Variants in C3orf20 observed in about 807,000 individuals in gnomAD.
C3orf20 encodes uncharacterized protein C3orf20.
In C3orf20, 76 loss-of-function variants were observed where a neutral mutation model predicts 88.3. The ratio of observed to expected loss-of-function variants is 0.86; its 90% CI spans 0.72 to 1.04. The LOEUF (loss-of-function observed/expected upper bound fraction) is 1.04. Among genes scored for constraint, C3orf20 ranks in the 50% least tolerant of loss-of-function variants. The pLI is 0.00. For synonymous variants in C3orf20, 436 were observed against 437.4 expected (o/e 1.00, Z 0.04); for missense variants, 1,056 against 1,123.3 (o/e 0.94, Z 0.86).
intron 12 of C3orf20, among the ~76,000 whole-genome samples, chr3:14,730,549 A>AAAT (rs370620909): frequency 0.061 from 9,273 of 151,840 alleles, 541 homozygotes; most frequent in African/African-American, 0.15. Context: ...TGTGTCTCAA[A>AAAT]AATAATAATA....
chr3:14,737,116 G>A (rs978599896), intron 12 of C3orf20, among the ~76,000 whole-genome samples: 3 of 151,782 alleles, frequency 2.0e-5, no homozygotes, highest in African/African-American at 7.3e-5. Context: ...AATTTTCATT[G>A]TACTTATCCA....
chr3:14,739,554 G>A (rs1310072642), intron 12 of C3orf20, among the ~76,000 whole-genome samples: 3 of 152,212 alleles, frequency 2.0e-5, no homozygotes, highest in Non-Finnish European at 4.4e-5. Flanking sequence ...TTAGCCTAAA[G>A]TCACCAGCTG....
chr3:14,754,244 C>T (rs9825300), intron 12 of C3orf20, among the ~76,000 whole-genome samples: 4,315 of 152,284 alleles, frequency 0.028, 229 homozygotes, highest in African/African-American at 0.096. Context: ...ATGCACCTGA[C>T]AGATGCTTCC....
rs1409308740 is a variant in C3orf20 at position 14,728,497 on chromosome 3, G to T, written c.1749G>T (p.Lys583Asn). 1.2e-6 allele frequency: 2 copies of T among 1,614,092 alleles called. No individual in the cohort carries two copies. Among genetic ancestry groups the T allele is most frequent in the Non-Finnish European group, 1.7e-6 (2 of 1,180,036 alleles). Residue 583 changes from lysine (K) to asparagine (N), a missense_variant, in exon 12 of 17, where the codon AAG (lysine) becomes AAT (asparagine). Physicochemically the swap from Lys to Asn is moderately conservative, Grantham distance 94 (BLOSUM62 0). Coordinates refer to ENST00000253697, the MANE Select transcript of C3orf20 (RefSeq NM_032137.5). ...KKEEEEFVRFKMRSRTHPERL... is the reference protein window; with the variant it reads ...KKEEEEFVRFNMRSRTHPERL... ...AGGAGGAAGAATTTGTTCGGTTCAA[G>T]ATGAGATCCAGAACTCATCCCGAGC...
Position 14,757,679 on chromosome 3 carries a change from G to A in C3orf20, c.2244+5G>A, listed in dbSNP as rs1258372609. 1 of 1,607,082 alleles carries A rather than the reference G, an allele frequency of 6.2e-7. No individual in the cohort carries two copies. The stretch of plus-strand genomic sequence containing the variant: ...CGTGGCTCCCCCTGCATCCAGGTTG[G>A]TCTGGGCCCAGTGAGGAGGCCCTGG... On this transcript the variant is annotated splice_donor_5th_base_variant and intron_variant, in intron 13 of 16. Transcript: ENST00000253697.
intron 7 of C3orf20, among the ~76,000 whole-genome samples, chr3:14,706,209 A>T (rs886956611): frequency 6.6e-6 from 1 of 151,976 alleles, no homozygotes; most frequent in Non-Finnish European, 1.5e-5. Flanking sequence ...AAGAAGTGTT[A>T]TTGTTTCTCA....
chr3:14,740,240 T>A (rs527847505), intron 12 of C3orf20, among the ~76,000 whole-genome samples: 4 of 152,280 alleles, frequency 2.6e-5, no homozygotes, highest in East Asian at 1.9e-4. Context: ...CATTGTAGAG[T>A]TACTATAGTA....
intron 10 of C3orf20, among the ~76,000 whole-genome samples, chr3:14,726,697 C>G (rs1427219307): frequency 6.6e-6 from 1 of 152,184 alleles, no homozygotes; most frequent in African/African-American, 2.4e-5. Flanking sequence ...AAGGAAAACC[C>G]TCCGAGGAGA....
chr3:14,692,716 G>A (rs1040681873), intron 5 of C3orf20, among the ~76,000 whole-genome samples: 2 of 152,066 alleles, frequency 1.3e-5, no homozygotes, highest in Non-Finnish European at 2.9e-5. Context: ...CCTTTGCTGT[G>A]CAGAAGCTTT....
At chr3:14,751,396 G>A (rs2035215160) in intron 12 of C3orf20, among the ~76,000 whole-genome samples, 1 of 152,220 alleles carries the variant, frequency 6.6e-6, no homozygotes, top group Non-Finnish European at 1.5e-5. Flanking sequence ...CCCCCGGAGG[G>A]CAAGCTAAAG....
intron 12 of C3orf20, among the ~76,000 whole-genome samples, chr3:14,731,772 C>A (rs936292098): frequency 2.6e-5 from 4 of 152,204 alleles, no homozygotes; most frequent in Admixed American, 1.3e-4. Context: ...TTCCCAGACA[C>A]CAGCCAAGGG....
intron 5 of C3orf20, among the ~76,000 whole-genome samples, chr3:14,700,202 A>G (rs567890462): frequency 6.6e-6 from 1 of 152,256 alleles, no homozygotes; most frequent in African/African-American, 2.4e-5. Flanking sequence ...TGAAGTTAAA[A>G]TCAGGTACTA....
At chr3:14,729,487 G>A (rs2034467366) in intron 12 of C3orf20, among the ~76,000 whole-genome samples, 1 of 152,190 alleles carries the variant, frequency 6.6e-6, no homozygotes, top group African/African-American at 2.4e-5. Context: ...CAGGAGTTTG[G>A]TCATGTAGCC....
At chr3:14,684,194 T>G (rs1417675187) in intron 3 of C3orf20, 48 bp from the exon 4 acceptor site, 3 of 1,605,844 alleles carry the variant, frequency 1.9e-6, no homozygotes, top group Non-Finnish European at 1.7e-6. Context: ...CTGGAAGCAT[T>G]AGCCCCATGC....
At chr3:14,678,850 G>A (rs2124874354) in intron 1 of C3orf20, among the ~76,000 whole-genome samples, 1 of 152,314 alleles carries the variant, frequency 6.6e-6, no homozygotes, top group East Asian at 1.9e-4. Context: ...AGCCATTAAA[G>A]ACAATACATT....
intron 15 of C3orf20, among the ~76,000 whole-genome samples, chr3:14,769,435 A>G (rs1434563257): frequency 6.6e-6 from 1 of 151,564 alleles, no homozygotes; most frequent in Non-Finnish European, 1.5e-5. Context: ...TGGGCCATGT[A>G]TCTGTAACAT....
intron 12 of C3orf20, among the ~76,000 whole-genome samples, chr3:14,734,968 A>G (rs2034659669): frequency 6.6e-6 from 1 of 151,942 alleles, no homozygotes; most frequent in African/African-American, 2.4e-5. Flanking sequence ...TTTATGTATT[A>G]CAGCCTGTAT....
intron 12 of C3orf20, among the ~76,000 whole-genome samples, chr3:14,738,227 G>A (rs1350094987): frequency 6.8e-6 from 1 of 147,442 alleles, no homozygotes; most frequent in Non-Finnish European, 1.5e-5. Flanking sequence ...GAGTACAGTG[G>A]TGCAATCTTG....
intron 14 of C3orf20, among the ~76,000 whole-genome samples, chr3:14,760,454 A>G (rs1037211995): frequency 6.6e-6 from 1 of 152,156 alleles, no homozygotes. Flanking sequence ...GGGCCACCAC[A>G]TGCTAACATT....
Sources: gnomAD v4.1 joint callset for allele counts (sites outside exome capture counted in the v4.1 genomes callset) on GRCh38, gnomAD v4.1.1 for gene constraint, MANE v1.5 for transcripts, NCBI Gene and HGNC (gene_info 2026-07-23, HGNC 2026-07-21) for gene names.